STAT4: variants seen among roughly 807,000 people sequenced by gnomAD.
STAT4 encodes signal transducer and activator of transcription 4.
A neutral mutation model predicts 110.5 loss-of-function variants in STAT4; 42 were observed. That is an observed-to-expected ratio of 0.38 (90% CI 0.30 to 0.49). The LOEUF is 0.49. Ranked by LOEUF, STAT4 falls within the 20% of genes least tolerant of loss-of-function variation. The probability of loss-of-function intolerance (pLI) is 0.95; values close to 1 mark genes in which losing one functional copy is unlikely to be tolerated. For synonymous variants in STAT4, 284 were observed against 302.2 expected, an observed-to-expected ratio of 0.94 and a Z score of 0.63; for missense variants, 632 against 887.9, an observed-to-expected ratio of 0.71 and a Z score of 3.66.
chr2:191,140,386 A>G lies in STAT4; in HGVS notation c.273+6227T>C, dbSNP rs1384103773. ...ATATCCATAATCTGCAAGGAACTCA[A>G]ACAAATCAGCAAAAAAACTAATAAT... On this transcript the variant is annotated intron_variant, in intron 3 of 23. Transcript: ENST00000392320. The surrounding 1 kb of genome is among the most constrained non-coding windows in gnomAD (Gnocchi z 4.4). Among the ~76,000 whole-genome samples, 1 of 152,232 alleles carries G rather than the reference A, an allele frequency of 6.6e-6. No individual in the cohort carries two copies. The highest frequency in any genetic ancestry group is 2.4e-5 in the African/African-American group (1 of 41,462).
In STAT4 at chr2:191,030,990, G is replaced by T. The variant is rs748831456; in HGVS notation, c.2202C>A (p.Pro734=). 6.2e-7 allele frequency: 1 copy of T among 1,613,824 alleles called. No individual in the cohort carries two copies. ...AACATACTGCAGTTTCAATTGTTGTGGGACTCAGGTTTTCTCTCAACACCG... is the reference window on the plus strand; with the variant it reads ...AACATACTGCAGTTTCAATTGTTGTTGGACTCAGGTTTTCTCTCAACACCG... ...VYAVLRENLS[P]TTIETAMKSP... The change falls in exon 23 of 24, where the codon CCC becomes CCA. Residue 734 remains proline (P), a synonymous_variant. Coordinates refer to ENST00000392320, the MANE Select transcript of STAT4 (RefSeq NM_003151.4). This position sits in a 1 kb window ranked among gnomAD's most constrained non-coding sequence, Gnocchi z 4.4.
At chr2:191,068,869 T>A (rs1266136264) in intron 6 of STAT4, among the ~76,000 whole-genome samples, 1 of 152,096 alleles carries the variant, frequency 6.6e-6, no homozygotes, top group East Asian at 1.9e-4. Flanking sequence ...TATTTGTAAA[T>A]CTTAGGACTT....
intron 3 of STAT4, among the ~76,000 whole-genome samples, chr2:191,101,293 T>A (rs376282161): frequency 6.6e-6 from 1 of 152,190 alleles, no homozygotes; most frequent in African/African-American, 2.4e-5. Context: ...TTATTATCTC[T>A]GTGTGCATTT....
chr2:191,092,772 G>A (rs1345055898), intron 3 of STAT4, among the ~76,000 whole-genome samples: 7 of 152,172 alleles, frequency 4.6e-5, no homozygotes, highest in South Asian at 2.1e-4. Flanking sequence ...GCGAAGGGTC[G>A]GGGGATTTCA....
rs947073430 is a variant in STAT4, at chr2:191,039,128, T to C, written c.1434+71A>G. The C allele has an allele frequency of 7.3e-7, 1 of 1,360,622 alleles. No individual in the cohort carries two copies. The highest frequency in any genetic ancestry group is 1.4e-5 in the African/African-American group (1 of 70,134). The allele number at this position is 1,360,622 out of a possible 1,614,324, so 84.3% of individuals were successfully genotyped here. A position where few individuals can be genotyped will look rare whatever the true frequency, so the allele number is the denominator to read the frequency against. The stretch of plus-strand genomic sequence containing the variant: ...CCCCACTGGCACACACATGTTTTGA[T>C]GCAGATGTGTTTGTTGGCAATAAAA... On this transcript the variant is annotated intron_variant, in intron 16 of 23. Coordinates refer to ENST00000392320, the MANE Select transcript of STAT4 (RefSeq NM_003151.4). The surrounding 1 kb of genome is among the most constrained non-coding windows in gnomAD (Gnocchi z 4.7).
Position 191,031,355 on chromosome 2 carries a change from C to T in STAT4, c.2111+95G>A, listed in dbSNP as rs1488300042. On this transcript the variant is annotated intron_variant, in intron 22 of 23. Transcript: ENST00000392320. The surrounding 1 kb of genome is among the most constrained non-coding windows in gnomAD (Gnocchi z 4.8). Reference sequence around the variant, plus strand: ...AAATGGGACATTGCACATTACAATGCTTTGTTCTCAGTTATGTGTACTCTG... The same window carrying T: ...AAATGGGACATTGCACATTACAATGTTTTGTTCTCAGTTATGTGTACTCTG... 1 of 1,275,792 alleles carries T rather than the reference C, an allele frequency of 7.8e-7. No homozygotes were observed. The allele number at this position is 1,275,792 out of a possible 1,614,324, so 79.0% of individuals were successfully genotyped here.
rs188117791 is a variant in STAT4, at chr2:191,098,368, G to T, written c.274-22043C>A. Among the ~76,000 whole-genome samples, 111 of 152,270 alleles carry T rather than the reference G, an allele frequency of 7.3e-4. 1 individual carries two copies. The highest frequency in any genetic ancestry group is 1.3e-3 in the Non-Finnish European group (87 of 68,018). ...GCAAAAACTTGGAACCAACCCAAAT[G>T]TCCATCAATGATAGACTGGATTAAG... is the stretch of plus-strand genomic sequence containing the variant. On this transcript the variant is annotated intron_variant, in intron 3 of 23. Coordinates refer to ENST00000392320, the MANE Select transcript of STAT4 (RefSeq NM_003151.4).
chr2:191,148,113 G>T lies in STAT4; in HGVS notation c.91C>A (p.Arg31=). ...TCAATCCATTGGGCCAACAGATGCC[G>T]AATTTCCATGGGAAAGTTGTCATCA... ...FYDDNFPMEI[R]HLLAQWIENQ... is the part of the protein sequence containing the mutation. The change falls in exon 2 of 24, where the codon CGG becomes AGG. Residue 31 remains arginine, a synonymous_variant. Coordinates refer to ENST00000392320, the MANE Select transcript of STAT4 (RefSeq NM_003151.4). 1 of 1,613,848 alleles carries T rather than the reference G, an allele frequency of 6.2e-7. No individual in the cohort carries two copies. Among genetic ancestry groups the T allele is most frequent in the South Asian group, 1.1e-5 (1 of 91,072 alleles).
rs1559088823 is a variant in STAT4 at position 191,147,937 on chromosome 2, G to A, written c.128+139C>T. On this transcript the variant is annotated intron_variant, in intron 2 of 23. Coordinates refer to ENST00000392320, the MANE Select transcript of STAT4 (RefSeq NM_003151.4). This position sits in a 1 kb window ranked among gnomAD's most constrained non-coding sequence, Gnocchi z 4.1. ...ACAATTATTCCCCTTCTTTGGGAAG[G>A]CTTTCAAATCCTTGAGAAAGTTCTT... is the stretch of plus-strand genomic sequence containing the variant. The A allele has an allele frequency of 6.0e-6, 7 of 1,162,008 alleles. No individual in the cohort carries two copies. The highest frequency in any genetic ancestry group is 7.1e-6 in the Non-Finnish European group (6 of 841,826). The allele number at this position is 1,162,008 out of a possible 1,614,324, so 72.0% of individuals were successfully genotyped here.
At position 191,138,744 on chromosome 2, in the gene STAT4, C is replaced by G. The variant is rs114972062; in HGVS notation, c.273+7869G>C. On this transcript the variant is annotated intron_variant, in intron 3 of 23. Transcript: ENST00000392320. The surrounding 1 kb of genome is among the most constrained non-coding windows in gnomAD (Gnocchi z 4.3). The stretch of plus-strand genomic sequence containing the variant: ...AAGATAGTGAAAGAGGGAATTCTCT[C>G]TAAATCATTCCATGAAGCCAGTATC... 0.021 allele frequency among the ~76,000 whole-genome samples: 3,196 copies of G among 152,256 alleles called. 99 individuals are homozygous for G. The highest frequency in any genetic ancestry group is 0.065 in the African/African-American group (2,705 of 41,530).
rs13010679 is a variant in STAT4, at chr2:191,131,668, G to T, written c.273+14945C>A. ...AGGCACAAGAGGCTTCAAAGGTAATGGTAACATCTGGGTATAAAATGTCAA... is the reference window on the plus strand; with the variant it reads ...AGGCACAAGAGGCTTCAAAGGTAATTGTAACATCTGGGTATAAAATGTCAA... On this transcript the variant is annotated intron_variant, in intron 3 of 23. Transcript: ENST00000392320. The T allele has an allele frequency of 4.6e-3, 3,904 of 844,444 alleles. 16 individuals carry two copies. The highest frequency in any genetic ancestry group is 0.027 in the Middle Eastern group (69 of 2,578). The allele number at this position is 844,444 out of a possible 1,614,324, so 52.3% of individuals were successfully genotyped here. A position where few individuals can be genotyped will look rare whatever the true frequency, so the allele number is the denominator to read the frequency against.
intron 3 of STAT4, among the ~76,000 whole-genome samples, chr2:191,137,775 T>C (rs909722377): frequency 6.6e-6 from 1 of 152,060 alleles, no homozygotes; most frequent in Non-Finnish European, 1.5e-5. Context: ...GGCAAAAACA[T>C]CCTCTTCAAT....
chr2:191,083,552 C>A lies in STAT4; in HGVS notation c.274-7227G>T, dbSNP rs889403406. 6.6e-6 allele frequency among the ~76,000 whole-genome samples: 1 copy of A among 152,162 alleles called. No homozygotes were observed. Among genetic ancestry groups the A allele is most frequent in the Non-Finnish European group, 1.5e-5 (1 of 68,040 alleles). Reference sequence around the variant, plus strand: ...TTCTCATTTTTTTAACTACCTACAACCATACTTCTCTCAAATGTAGATATT... The same window carrying A: ...TTCTCATTTTTTTAACTACCTACAAACATACTTCTCTCAAATGTAGATATT... On this transcript the variant is annotated intron_variant, in intron 3 of 23. Coordinates refer to ENST00000392320, the MANE Select transcript of STAT4 (RefSeq NM_003151.4). This position sits in a 1 kb window ranked among gnomAD's most constrained non-coding sequence, Gnocchi z 4.6.
At chr2:191,136,024 C>CAAAAAAAAAAAAAAAAAAAAAAAAAAAAA (rs1699173501) in intron 3 of STAT4, among the ~76,000 whole-genome samples, 1 of 43,724 alleles carries the variant, frequency 2.3e-5, no homozygotes, top group African/African-American at 6.4e-5. Context: ...AAAAAAAAAC[C>CAAAAAAAAAAAAAAAAAAAAAAAAAAAAA]AAAAAACAAA....
At chr2:191,141,793 G>A (rs1037152538) in intron 3 of STAT4, among the ~76,000 whole-genome samples, 3 of 151,754 alleles carry the variant, frequency 2.0e-5, no homozygotes, top group African/African-American at 7.3e-5. Flanking sequence ...ATCACATCTG[G>A]CTAATTTTTG....
intron 5 of STAT4, among the ~76,000 whole-genome samples, chr2:191,070,552 G>A (rs1337461780): frequency 6.6e-6 from 1 of 152,106 alleles, no homozygotes; most frequent in East Asian, 1.9e-4. Context: ...TAGACCCACT[G>A]CACTTCCTAG....
intron 3 of STAT4, among the ~76,000 whole-genome samples, chr2:191,136,014 A>C (rs1298170747): frequency 1.2e-4 from 15 of 123,366 alleles, no homozygotes; most frequent in Admixed American, 5.4e-4. Context: ...AGAAAAAAAA[A>C]AAAAAAAACC....
intron 14 of STAT4, among the ~76,000 whole-genome samples, chr2:191,048,360 T>C (rs1378766992): frequency 6.6e-6 from 1 of 152,198 alleles, no homozygotes; most frequent in Non-Finnish European, 1.5e-5. Context: ...TTATTAATTT[T>C]CACAGCTTGC....
Position 191,034,023 on chromosome 2 carries a change from C to G in STAT4, c.1621-18G>C. 1.4e-6 allele frequency: 2 copies of G among 1,470,020 alleles called. No individual in the cohort carries two copies. Among genetic ancestry groups the G allele is most frequent in the Non-Finnish European group, 1.9e-6 (2 of 1,069,712 alleles). The allele number at this position is 1,470,020 out of a possible 1,614,324, so 91.1% of individuals were successfully genotyped here. A position where few individuals can be genotyped will look rare whatever the true frequency, so the allele number is the denominator to read the frequency against. ...AAATGTTCCTACAGGAATAGACAAG[C>G]ACATTAAGACAATGATTATTTAAGT... On this transcript the variant is annotated intron_variant, in intron 18 of 23. Coordinates refer to ENST00000392320, the MANE Select transcript of STAT4 (RefSeq NM_003151.4).
Sources: gnomAD v4.1 joint callset for allele counts (sites outside exome capture counted in the v4.1 genomes callset) on GRCh38, gnomAD v4.1.1 for gene constraint, Gnocchi (gnomAD v3.1) non-coding constraint, MANE v1.5 for transcripts, NCBI Gene and HGNC (gene_info 2026-07-23, HGNC 2026-07-21) for gene names.